The following COA6 variants were observed in gnomAD, a reference collection of about 807,000 sequenced individuals.
COA6 encodes the protein cytochrome c oxidase assembly factor 6 homolog.
In COA6, 12 loss-of-function variants were observed where a neutral mutation model predicts 17.1. The ratio of observed to expected loss-of-function variants is 0.70; its 90% confidence interval spans 0.45 to 1.14. COA6 has a LOEUF of 1.14. Ranked by LOEUF, COA6 falls within the 50% of genes most tolerant of loss-of-function variation. COA6 has a pLI of 0.00. For synonymous variants in COA6, 90 were observed against 73.4 expected (o/e 1.23, Z -1.16); for missense variants, 246 against 196.5 (o/e 1.25, Z -1.51).
At chr1:234,374,940 A>G (rs1403763347) in intron 2 of COA6, among the ~76,000 whole-genome samples, 2 of 152,168 alleles carry the variant, frequency 1.3e-5, no homozygotes, top group South Asian at 2.1e-4. Context: ...TGAGGTTAGT[A>G]AGTGGCCATG....
rs559274315 is a variant in COA6 at position 234,374,469 on chromosome 1, C to G, written c.372+80C>G. On this transcript the variant is annotated intron_variant, in intron 2 of 2. Coordinates refer to ENST00000366615, the MANE Select transcript of COA6 (RefSeq NM_001206641.3). Reference sequence around the variant, plus strand: ...CTGTGAGTGGTAGGCTGACATGAAGCGCTCTCTGAGGCATGTCAATTAACA... The same window carrying G: ...CTGTGAGTGGTAGGCTGACATGAAGGGCTCTCTGAGGCATGTCAATTAACA... 40 of 1,427,382 alleles carry G rather than the reference C, an allele frequency of 2.8e-5. 1 individual carries two copies. In the South Asian group the frequency reaches 4.9e-4, roughly 17 times the overall value. The allele number at this position is 1,427,382 out of a possible 1,614,324, so 88.4% of individuals were successfully genotyped here. A position where few individuals can be genotyped will look rare whatever the true frequency, so the allele number is the denominator to read the frequency against.
chr1:234,380,422 A>G (rs1408661695), intron 2 of COA6, among the ~76,000 whole-genome samples: 1 of 152,222 alleles, frequency 6.6e-6, no homozygotes. Context: ...AAGGTAAAAT[A>G]ATTTGTCTTA....
In COA6 at chr1:234,383,941, A is replaced by C; in HGVS notation, c.*123A>C. On this transcript the variant is annotated 3_prime_UTR_variant, in exon 3 of 3. Transcript: ENST00000366615. The stretch of plus-strand genomic sequence containing the variant: ...TGTTCCCTATATACGACACTTGATA[A>C]TTAAGATGATCAAGAACCAGAAGAT... The C allele has an allele frequency of 2.1e-6, 1 of 466,972 alleles. No individual in the cohort carries two copies. The highest frequency in any genetic ancestry group is 3.9e-6 in the Non-Finnish European group (1 of 254,580). 28.9% of individuals were successfully genotyped at this position (466,972 alleles called of 1,614,324 possible).
Position 234,384,358 on chromosome 1 carries a change from T to C in COA6, c.*540T>C, listed in dbSNP as rs1659069316. ...CCAGTGAGACAAAAAAGAAAAAGCA[T>C]ACACACTGGGAAGGAAGAAAGAAAA... On this transcript the variant is annotated 3_prime_UTR_variant, in exon 3 of 3. Coordinates refer to ENST00000366615, the MANE Select transcript of COA6 (RefSeq NM_001206641.3). 6.6e-6 allele frequency among the ~76,000 whole-genome samples: 1 copy of C among 152,066 alleles called. No individual in the cohort carries two copies. The highest frequency in any genetic ancestry group is 1.5e-5 in the Non-Finnish European group (1 of 68,000).
intron 1 of COA6, 159 bp downstream of exon 1, chr1:234,373,837 T>C (rs1213056019): frequency 6.2e-7 from 1 of 1,613,272 alleles, no homozygotes; most frequent in Non-Finnish European, 8.5e-7. Flanking sequence ...TCTACAGCGC[T>C]TAGGTTCGAA....
chr1:234,376,826 C>G (rs764686831), intron 2 of COA6, among the ~76,000 whole-genome samples: 1 of 152,202 alleles, frequency 6.6e-6, no homozygotes, highest in Non-Finnish European at 1.5e-5. Context: ...CATTAGAGCT[C>G]CCTTCTCTGC....
At chr1:234,374,112 G>GTTTTTTT (rs61077059) in intron 1 of COA6, 118 bp from the exon 2 acceptor site, 53 of 861,822 alleles carry the variant, frequency 6.1e-5, no homozygotes, top group South Asian at 1.4e-4. Flanking sequence ...TTTTGTTTTT[G>GTTTTTTT]TTTTTTTTTT....
intron 2 of COA6, among the ~76,000 whole-genome samples, chr1:234,375,299 G>C (rs1044468175): frequency 2.0e-5 from 3 of 152,116 alleles, no homozygotes; most frequent in East Asian, 1.9e-4. Context: ...AGAGCGAGAC[G>C]TTGTTATTCT....
At chr1:234,383,573 GACACAC>G (rs60042887) in intron 2 of COA6, 144 bp from the exon 3 acceptor site, 20 of 473,198 alleles carry the variant, frequency 4.2e-5, no homozygotes, top group African/African-American at 1.5e-4. Context: ...AGTTACAGCT[GACACAC>G]ACACACACAC....
chr1:234,379,518 C>T (rs1232761736), intron 2 of COA6, among the ~76,000 whole-genome samples: 2 of 152,072 alleles, frequency 1.3e-5, no homozygotes, highest in Non-Finnish European at 2.9e-5. Flanking sequence ...TTGAAATTAC[C>T]CGCGAGTTTT....
chr1:234,375,060 C>T (rs1004719385), intron 2 of COA6, among the ~76,000 whole-genome samples: 6 of 149,960 alleles, frequency 4.0e-5, no homozygotes, highest in East Asian at 3.9e-4. Flanking sequence ...GAGGCTGAGG[C>T]GGGCAGATCA....
intron 2 of COA6, among the ~76,000 whole-genome samples, 157 bp downstream of exon 2, chr1:234,374,546 C>T (rs1224351522): frequency 1.3e-5 from 2 of 152,154 alleles, no homozygotes; most frequent in African/African-American, 2.4e-5. Context: ...CCTTATTTGA[C>T]GCACTTACAT....
At chr1:234,374,486 C>A in intron 2 of COA6, 97 bp downstream of exon 2, 1 of 1,253,742 alleles carries the variant, frequency 8.0e-7, no homozygotes, top group Non-Finnish European at 1.1e-6. Context: ...TGAGGCATGT[C>A]AATTAACAGT....
intron 2 of COA6, among the ~76,000 whole-genome samples, chr1:234,380,926 G>T (rs917884761): frequency 2.0e-5 from 3 of 152,210 alleles, no homozygotes; most frequent in Admixed American, 6.5e-5. Flanking sequence ...CTGGAACCTG[G>T]TAAGCAGAGG....
Position 234,374,238 on chromosome 1 carries a change from C to T in COA6, c.221C>T (p.Ala74Val). Residue 74 changes from alanine to valine, a missense_variant, in exon 2 of 3, where the codon GCA (alanine) becomes GTA (valine). Transcript: ENST00000366615. ...ATTATTTTGGCCAACAGCTTCATCG[C>T]AGTAGGAATGGCAGCCCCATCTATG... The part of the protein sequence containing the change: ...AGRGRAESFI[A>V]VGMAAPSMKE... The T allele has an allele frequency of 1.2e-6, 2 of 1,610,804 alleles. No homozygotes were observed. The highest frequency in any genetic ancestry group is 8.5e-7 in the Non-Finnish European group (1 of 1,179,128).
At chr1:234,373,921 C>T in intron 1 of COA6, 1 of 1,483,990 alleles carries the variant, frequency 6.7e-7, no homozygotes, top group Non-Finnish European at 9.1e-7. Context: ...AATAAATGAG[C>T]TGCCCTAAGC....
chr1:234,373,729 G>A (rs1380318588), intron 1 of COA6, 51 bp downstream of exon 1: 1 of 1,613,924 alleles, frequency 6.2e-7, no homozygotes, highest in East Asian at 2.2e-5. Flanking sequence ...ATGGGCCCGG[G>A]AGGTCCCTTA....
chr1:234,378,526 A>G (rs1040917302), intron 2 of COA6, among the ~76,000 whole-genome samples: 1 of 152,252 alleles, frequency 6.6e-6, no homozygotes, highest in African/African-American at 2.4e-5. Flanking sequence ...GGGAACAGAT[A>G]GGCAGATACC....
At chr1:234,380,892 C>T (rs992275445) in intron 2 of COA6, among the ~76,000 whole-genome samples, 5 of 152,138 alleles carry the variant, frequency 3.3e-5, no homozygotes, top group Admixed American at 6.5e-5. Flanking sequence ...CCCACCTACT[C>T]GGGAGGCTGA....
Sources: gnomAD v4.1 joint callset for allele counts (sites outside exome capture counted in the v4.1 genomes callset) on GRCh38, gnomAD v4.1.1 for gene constraint, MANE v1.5 for transcripts, NCBI Gene and HGNC (gene_info 2026-07-23, HGNC 2026-07-21) for gene names.